AR: variants seen among roughly 807,000 people sequenced by gnomAD.
AR encodes the protein androgen receptor.
In AR, 8 loss-of-function variants were observed where a neutral mutation model predicts 53.9. The observed-to-expected ratio is 0.15, with a 90% CI of 0.09 to 0.27. The LOEUF (loss-of-function observed/expected upper bound fraction) is 0.27. AR is among the 10% of genes least tolerant of loss of function. The probability of loss-of-function intolerance (pLI) is 1.00; values close to 1 mark genes in which losing one functional copy is unlikely to be tolerated. For synonymous variants in AR, 359 were observed against 316.4 expected (o/e 1.13, Z -1.43); for missense variants, 639 against 742.5 (o/e 0.86, Z 1.62).
intron 1 of AR, among the ~76,000 whole-genome samples, chrX:67,581,833 T>C (rs1357842195): frequency 9.0e-6 from 1 of 111,153 alleles, no homozygotes; most frequent in African/African-American, 3.3e-5. Flanking sequence ...ACAGAGGTAA[T>C]AGAAATTATT....
chrX:67,673,230 G>A (rs1377110564), intron 2 of AR, among the ~76,000 whole-genome samples: 1 of 109,969 alleles, frequency 9.1e-6, no homozygotes, highest in African/African-American at 3.3e-5. Flanking sequence ...ATTATTAAAT[G>A]CCTTGAGGTG....
intron 1 of AR, among the ~76,000 whole-genome samples, chrX:67,560,953 A>G (rs907619743): frequency 2.7e-5 from 3 of 112,090 alleles, no homozygotes; most frequent in Non-Finnish European, 5.6e-5. Context: ...TCTCTAGTTT[A>G]TAAGATTTTG....
intron 1 of AR, among the ~76,000 whole-genome samples, chrX:67,564,357 G>C (rs185916410): frequency 4.5e-5 from 5 of 111,020 alleles, no homozygotes; most frequent in Non-Finnish European, 9.4e-5. Flanking sequence ...CATCTCCCAC[G>C]ACTCTGGAGA....
intron 1 of AR, among the ~76,000 whole-genome samples, chrX:67,622,788 A>T (rs1924441144): frequency 1.8e-5 from 2 of 111,881 alleles, no homozygotes; most frequent in Admixed American, 1.9e-4. Context: ...AGTATCTGCA[A>T]GCAAAAAAAG....
At chrX:67,574,095 T>C (rs1287000879) in intron 1 of AR, among the ~76,000 whole-genome samples, 1 of 111,832 alleles carries the variant, frequency 8.9e-6, no homozygotes, top group Admixed American at 9.5e-5. Context: ...TTGATAATTT[T>C]TAAGGCCCTT....
intron 1 of AR, among the ~76,000 whole-genome samples, chrX:67,577,865 T>A (rs1466839157): frequency 8.9e-6 from 1 of 111,775 alleles, no homozygotes; most frequent in Non-Finnish European, 1.9e-5. Context: ...ATATTTTGGA[T>A]GTTTGTCATT....
intron 1 of AR, among the ~76,000 whole-genome samples, chrX:67,626,718 T>A (rs1924673825): frequency 1.0e-5 from 1 of 100,129 alleles, no homozygotes; most frequent in African/African-American, 3.7e-5. Context: ...GCCATGCAGG[T>A]GCGCTGCACC....
intron 2 of AR, among the ~76,000 whole-genome samples, chrX:67,644,900 G>T (rs951711590): frequency 9.0e-6 from 1 of 111,390 alleles, no homozygotes; most frequent in Non-Finnish European, 1.9e-5. Context: ...TGCCTAAAGA[G>T]CCTGAGAGCA....
At chrX:67,679,146 T>C (rs1258373357) in intron 2 of AR, among the ~76,000 whole-genome samples, 9 of 111,310 alleles carry the variant, frequency 8.1e-5, no homozygotes, top group Non-Finnish European at 1.5e-4. Context: ...ACCCCATAAA[T>C]ATATACAATT....
chrX:67,599,491 G>A (rs1923243133), intron 1 of AR, among the ~76,000 whole-genome samples: 1 of 111,559 alleles, frequency 9.0e-6, no homozygotes, highest in Non-Finnish European at 1.9e-5. Context: ...GCTTATATTT[G>A]TCTTCCAGTT....
intron 2 of AR, among the ~76,000 whole-genome samples, chrX:67,661,760 G>A (rs750600504): frequency 1.8e-5 from 2 of 111,521 alleles, no homozygotes; most frequent in African/African-American, 3.3e-5. Flanking sequence ...AGTTTCAGAA[G>A]GAAGGGTACC....
intron 1 of AR, among the ~76,000 whole-genome samples, chrX:67,638,268 G>C (rs983890253): frequency 2.7e-5 from 3 of 111,753 alleles, no homozygotes; most frequent in Admixed American, 9.5e-5. Flanking sequence ...ATTGTGAATA[G>C]TGCCACAGTA....
At position 67,555,620 on chromosome X, in the gene AR, A is replaced by C. The variant is rs1277192797; in HGVS notation, c.1616+8858A>C. Among the ~76,000 whole-genome samples, 7 of 112,436 alleles carry C rather than the reference A, an allele frequency of 6.2e-5. No homozygotes were observed. In the East Asian group the frequency reaches 2.0e-3, roughly 32 times the overall value. On this transcript the variant is annotated intron_variant, in intron 1 of 7. Coordinates refer to ENST00000374690, the MANE Select transcript of AR (RefSeq NM_000044.6). ...CCATTGATCCTGATGAATTGCACAAACCAAACAATTCGGGGAGTAAGGGGG... is the reference window on the plus strand; with the variant it reads ...CCATTGATCCTGATGAATTGCACAACCCAAACAATTCGGGGAGTAAGGGGG...
At chrX:67,706,078 A>G (rs777860619) in intron 3 of AR, among the ~76,000 whole-genome samples, 26 of 111,886 alleles carry the variant, frequency 2.3e-4, no homozygotes, top group African/African-American at 8.4e-4. Flanking sequence ...TTGCATCGAT[A>G]TTCATCAGGG....
At chrX:67,664,999 C>T (rs1602238242) in intron 2 of AR, among the ~76,000 whole-genome samples, 1 of 112,768 alleles carries the variant, frequency 8.9e-6, no homozygotes, top group East Asian at 2.8e-4. Flanking sequence ...ACCCGATTTT[C>T]CAGGTGCCAT....
chrX:67,728,324 A>G lies in AR; in HGVS notation c.*4483A>G. The G allele has an allele frequency of 6.1e-6, 1 of 164,158 alleles. No individual in the cohort carries two copies. Among genetic ancestry groups the G allele is most frequent in the East Asian group, 8.9e-5 (1 of 11,260 alleles). The allele number at this position is 164,158 out of a possible 1,213,427, so 13.5% of individuals were successfully genotyped here. ...TTGCTGAGCAAATTGTTGAAGCTCCATCATTGCATGGTTGGAAATGGAGCT... is the reference window on the plus strand; with the variant it reads ...TTGCTGAGCAAATTGTTGAAGCTCCGTCATTGCATGGTTGGAAATGGAGCT... On this transcript the variant is annotated 3_prime_UTR_variant, in exon 8 of 8. Transcript: ENST00000374690.
chrX:67,672,119 AC>A (rs1038708353), intron 2 of AR, among the ~76,000 whole-genome samples: 1 of 110,660 alleles, frequency 9.0e-6, no homozygotes, highest in African/African-American at 3.3e-5. Context: ...CTCTCTCAAC[AC>A]CCCACCCCCA....
intron 5 of AR, 83 bp downstream of exon 5, chrX:67,717,705 G>C (rs2147531502): frequency 6.1e-6 from 7 of 1,143,415 alleles, no homozygotes; most frequent in Non-Finnish European, 8.4e-6. Flanking sequence ...TGGGGTGACA[G>C]TGAAGCTTAG....
At chrX:67,695,842 C>T in intron 3 of AR, 1 of 752,781 alleles carries the variant, frequency 1.3e-6, no homozygotes, top group Non-Finnish European at 1.6e-6. Context: ...CACATACACA[C>T]ACACTTCTTT....
Sources: allele counts gnomAD v4.1 joint callset (sites outside exome capture counted in the v4.1 genomes callset), GRCh38; gene constraint gnomAD v4.1.1; transcripts MANE v1.5; gene names NCBI Gene and HGNC (gene_info 2026-07-23, HGNC 2026-07-21).